GHR: variants seen among roughly 807,000 people sequenced by gnomAD.
GHR encodes the protein GH receptor.
Under a neutral mutation model 67.1 loss-of-function variants are expected in GHR, and 35 were observed. The ratio of observed to expected loss-of-function variants is 0.52; its 90% CI spans 0.40 to 0.69. The LOEUF is 0.69. Ranked by LOEUF, GHR falls within the 30% of genes least tolerant of loss-of-function variation. GHR has a pLI of 0.00. For synonymous variants in GHR, 272 were observed against 269.1 expected, an observed-to-expected ratio of 1.01 and a Z score of -0.10; for missense variants, 792 against 764.6, an observed-to-expected ratio of 1.04 and a Z score of -0.42.
At chr5:42,642,686 C>G (rs1754539046) in intron 3 of GHR, among the ~76,000 whole-genome samples, 1 of 152,116 alleles carries the variant, frequency 6.6e-6, no homozygotes, top group Non-Finnish European at 1.5e-5. Context: ...TATTTGTTTC[C>G]TAAGCTGCTA....
rs193242405 is a variant in GHR at position 42,490,249 on chromosome 5, T to C, written c.-12+66294T>C. 8.1e-4 allele frequency among the ~76,000 whole-genome samples: 124 copies of C among 152,366 alleles called. 1 individual carries two copies. Among genetic ancestry groups the C allele is most frequent in the Middle Eastern group, 6.8e-3 (2 of 294 alleles). On this transcript the variant is annotated intron_variant, in intron 1 of 9. Coordinates refer to ENST00000230882, the MANE Select transcript of GHR (RefSeq NM_000163.5). The stretch of plus-strand genomic sequence containing the variant: ...AGGTTTTATGCTGCCAGAGACCACA[T>C]TGACTCTTAGTAATGGGATCACTAA...
At chr5:42,690,018 G>T (rs1272347244) in intron 4 of GHR, among the ~76,000 whole-genome samples, 1 of 152,076 alleles carries the variant, frequency 6.6e-6, no homozygotes, top group African/African-American at 2.4e-5. Flanking sequence ...TTTCATTTTT[G>T]TTTACTCTCA....
chr5:42,532,348 T>TGATAGGTA (rs1748010653), intron 1 of GHR, among the ~76,000 whole-genome samples: 1 of 151,210 alleles, frequency 6.6e-6, no homozygotes, highest in African/African-American at 2.4e-5. Flanking sequence ...TTGATATAGA[T>TGATAGGTA]GATAGATAGA....
chr5:42,545,527 A>G (rs933739897), intron 1 of GHR, among the ~76,000 whole-genome samples: 1 of 152,216 alleles, frequency 6.6e-6, no homozygotes, highest in African/African-American at 2.4e-5. Flanking sequence ...TAATCAGAAA[A>G]AAATATCAAA....
intron 1 of GHR, chr5:42,550,007 G>A (rs1172007994): frequency 2.0e-6 from 1 of 494,830 alleles, no homozygotes; most frequent in African/African-American, 2.1e-5. Flanking sequence ...CCAGCCAGCT[G>A]GGGAAGGCCA....
chr5:42,441,887 G>T (rs544812300), intron 1 of GHR, among the ~76,000 whole-genome samples: 83 of 152,248 alleles, frequency 5.5e-4, no homozygotes, highest in African/African-American at 1.9e-3. Context: ...AGGATCAGGG[G>T]TGGCCTGAAG....
chr5:42,716,542 A>G (rs1758732074), intron 8 of GHR, among the ~76,000 whole-genome samples: 2 of 152,346 alleles, frequency 1.3e-5, no homozygotes, highest in South Asian at 4.1e-4. Context: ...ATCTACACAA[A>G]CATGTGACAG....
At chr5:42,489,969 A>G (rs987431742) in intron 1 of GHR, among the ~76,000 whole-genome samples, 1 of 152,206 alleles carries the variant, frequency 6.6e-6, no homozygotes, top group Non-Finnish European at 1.5e-5. Context: ...CAATTTCAGT[A>G]GATTCTAAAA....
chr5:42,597,058 T>C (rs1752107122), intron 2 of GHR, among the ~76,000 whole-genome samples: 1 of 152,126 alleles, frequency 6.6e-6, no homozygotes, highest in African/African-American at 2.4e-5. Flanking sequence ...AAATACTGTT[T>C]TCAGTGGTGT....
At chr5:42,679,064 T>A (rs1199839923) in intron 3 of GHR, among the ~76,000 whole-genome samples, 1 of 145,670 alleles carries the variant, frequency 6.9e-6, no homozygotes, top group Non-Finnish European at 1.5e-5. Flanking sequence ...AAACAATATA[T>A]TAATTAGTAA....
At chr5:42,633,769 C>G (rs1441557889) in intron 3 of GHR, among the ~76,000 whole-genome samples, 1 of 152,140 alleles carries the variant, frequency 6.6e-6, no homozygotes, top group Non-Finnish European at 1.5e-5. Flanking sequence ...CCTTATCTCC[C>G]TTTTCTCTTA....
At chr5:42,696,397 G>A (rs1391997935) in intron 5 of GHR, among the ~76,000 whole-genome samples, 2 of 152,202 alleles carry the variant, frequency 1.3e-5, no homozygotes, top group Non-Finnish European at 2.9e-5. Context: ...ATGAGGAAGG[G>A]CTGCACAGAG....
chr5:42,595,930 G>A (rs1210439336), intron 2 of GHR, among the ~76,000 whole-genome samples: 2 of 152,188 alleles, frequency 1.3e-5, no homozygotes, highest in East Asian at 3.8e-4. Flanking sequence ...GGCAGCTGAG[G>A]GATAGGTGCT....
At chr5:42,570,380 T>C (rs1181158216) in intron 2 of GHR, among the ~76,000 whole-genome samples, 1 of 152,206 alleles carries the variant, frequency 6.6e-6, no homozygotes, top group Non-Finnish European at 1.5e-5. Flanking sequence ...CAGAATTTAT[T>C]TGATGTTGGA....
At chr5:42,443,889 AT>A (rs1743688856) in intron 1 of GHR, among the ~76,000 whole-genome samples, 1 of 152,072 alleles carries the variant, frequency 6.6e-6, no homozygotes, top group Non-Finnish European at 1.5e-5. Flanking sequence ...TCATAGAAAC[AT>A]TTAGGGTAAT....
In GHR at chr5:42,686,156, G is replaced by A. The variant is rs566815613; in HGVS notation, c.137-2734G>A. Among the ~76,000 whole-genome samples the A allele has an allele frequency of 2.1e-3, 325 of 152,192 alleles. 1 individual carries two copies. The highest frequency in any genetic ancestry group is 6.3e-3 in the African/African-American group (263 of 41,516). The stretch of plus-strand genomic sequence containing the variant: ...AAGGGATCCAGCTTCAGCTTTCTGC[G>A]TATGGCTAGCCAGTTTTCCCAACAC... On this transcript the variant is annotated intron_variant, in intron 3 of 9. Coordinates refer to ENST00000230882, the MANE Select transcript of GHR (RefSeq NM_000163.5).
At chr5:42,666,927 T>A (rs1217326449) in intron 3 of GHR, among the ~76,000 whole-genome samples, 2 of 152,194 alleles carry the variant, frequency 1.3e-5, no homozygotes, top group Non-Finnish European at 2.9e-5. Flanking sequence ...AGGGTTGGCA[T>A]TAATGATGTG....
chr5:42,713,727 C>G, intron 8 of GHR: 1 of 488,548 alleles, frequency 2.0e-6, no homozygotes, highest in South Asian at 2.1e-5. Flanking sequence ...GGTTTAGATT[C>G]TATCTGGAGA....
intron 1 of GHR, chr5:42,465,575 C>G (rs879096668): frequency 7.9e-7 from 1 of 1,261,412 alleles, no homozygotes. Flanking sequence ...CAAGTCACTG[C>G]AATTATAAGA....
Sources: allele counts gnomAD v4.1 joint callset (sites outside exome capture counted in the v4.1 genomes callset), GRCh38; gene constraint gnomAD v4.1.1; transcripts MANE v1.5; gene names NCBI Gene and HGNC (gene_info 2026-07-23, HGNC 2026-07-21).